The following SMAP1 variants were observed in gnomAD, a reference collection of about 807,000 sequenced individuals.
SMAP1 encodes small ArfGAP 1, also known as stromal membrane-associated protein 1.
Under a neutral mutation model 58.5 loss-of-function variants are expected in SMAP1, and 24 were observed. The observed-to-expected ratio is 0.41, with a 90% confidence interval of 0.30 to 0.58. The LOEUF (loss-of-function observed/expected upper bound fraction) is 0.58, where lower values mean the gene tolerates loss of function less well. Among genes scored for constraint, SMAP1 ranks in the 20% least tolerant of loss-of-function variants. The pLI, the probability that SMAP1 is intolerant of heterozygous loss-of-function variation, is 0.29. For missense variants in SMAP1, 563 were observed against 566.3 expected, an observed-to-expected ratio of 0.99 and a Z score of 0.06; for synonymous variants, 216 against 196.6, an observed-to-expected ratio of 1.10 and a Z score of -0.82.
At chr6:70,855,093 C>CAT (rs1554210651) in intron 8 of SMAP1, among the ~76,000 whole-genome samples, 1 of 151,738 alleles carries the variant, frequency 6.6e-6, no homozygotes, top group Non-Finnish European at 1.5e-5. Context: ...TATACATATA[C>CAT]ATATACATAT....
intron 2 of SMAP1, among the ~76,000 whole-genome samples, chr6:70,739,457 C>T (rs1765733481): frequency 6.6e-6 from 1 of 152,118 alleles, no homozygotes; most frequent in African/African-American, 2.4e-5. Context: ...TATGCATACA[C>T]TAGTACCCAC....
At chr6:70,786,964 G>T (rs1353899057) in intron 4 of SMAP1, among the ~76,000 whole-genome samples, 1 of 152,056 alleles carries the variant, frequency 6.6e-6, no homozygotes, top group Non-Finnish European at 1.5e-5. Context: ...AAGTTCATAT[G>T]GAACCAAAAA....
intron 5 of SMAP1, among the ~76,000 whole-genome samples, chr6:70,792,740 G>T (rs906076048): frequency 2.6e-5 from 4 of 152,056 alleles, no homozygotes; most frequent in Non-Finnish European, 4.4e-5. Context: ...GAGTAGAACG[G>T]CAAGGCTCCT....
intron 6 of SMAP1, among the ~76,000 whole-genome samples, chr6:70,806,818 G>A (rs1453353367): frequency 1.3e-5 from 2 of 152,124 alleles, no homozygotes; most frequent in African/African-American, 4.8e-5. Flanking sequence ...TCTCATTTAA[G>A]TTCCTTATTT....
At chr6:70,788,039 TG>T (rs1051785586) in intron 4 of SMAP1, among the ~76,000 whole-genome samples, 5 of 151,972 alleles carry the variant, frequency 3.3e-5, no homozygotes, top group Non-Finnish European at 5.9e-5. Context: ...AACAAAGACT[TG>T]GAACCAACCC....
intron 6 of SMAP1, among the ~76,000 whole-genome samples, chr6:70,809,468 A>G (rs1769294233): frequency 6.6e-6 from 1 of 152,216 alleles, no homozygotes; most frequent in South Asian, 2.1e-4. Flanking sequence ...AAATTTCAAT[A>G]TAACCATGTA....
chr6:70,753,326 T>C lies in SMAP1; in HGVS notation c.253-1654T>C, dbSNP rs529215646. Among the ~76,000 whole-genome samples the C allele has an allele frequency of 8.1e-4, 123 of 152,320 alleles. 3 individuals carry two copies. The South Asian group carries it at 0.023, about 28-fold the overall frequency. On this transcript the variant is annotated intron_variant, in intron 2 of 10. Coordinates refer to ENST00000370455, the MANE Select transcript of SMAP1 (RefSeq NM_001044305.3). ...AAAATTTCTATATATTCTTGCTTGA[T>C]AGAAACTTTTCAAATTTTCTTACTT...
At chr6:70,696,548 A>G (rs1444516315) in intron 1 of SMAP1, among the ~76,000 whole-genome samples, 1 of 152,188 alleles carries the variant, frequency 6.6e-6, no homozygotes, top group East Asian at 1.9e-4. Context: ...ATATTTGTAT[A>G]GTATCCATAG....
rs1220183289 is a variant in SMAP1, at chr6:70,748,071, C to G, written c.253-6909C>G. ...GAGTTCCTGAGACCAAAAACGGTGG[C>G]CCTTCTTTTCCAGCAGCTGGAATCC... On this transcript the variant is annotated intron_variant, in intron 2 of 10. Coordinates refer to ENST00000370455, the MANE Select transcript of SMAP1 (RefSeq NM_001044305.3). 2.0e-5 allele frequency among the ~76,000 whole-genome samples: 3 copies of G among 152,060 alleles called. No individual in the cohort carries two copies. In the East Asian group the frequency reaches 5.8e-4, roughly 29 times the overall value.
chr6:70,772,063 A>G (rs139385140), intron 3 of SMAP1, among the ~76,000 whole-genome samples: 3 of 152,280 alleles, frequency 2.0e-5, no homozygotes, highest in African/African-American at 2.4e-5. Flanking sequence ...ATACTGGGCC[A>G]TTTAGACATG....
chr6:70,745,554 C>A (rs1297851293), intron 2 of SMAP1, among the ~76,000 whole-genome samples: 1 of 152,146 alleles, frequency 6.6e-6, no homozygotes, highest in African/African-American at 2.4e-5. Context: ...GGTACCAGTA[C>A]CATGCTGTTT....
chr6:70,803,584 G>C (rs1239127341), intron 6 of SMAP1, among the ~76,000 whole-genome samples: 2 of 152,148 alleles, frequency 1.3e-5, no homozygotes, highest in African/African-American at 4.8e-5. Context: ...TAATTGTGAT[G>C]TTAGGGTGTC....
intron 2 of SMAP1, among the ~76,000 whole-genome samples, chr6:70,742,361 A>G (rs1765850805): frequency 2.0e-5 from 3 of 152,252 alleles, no homozygotes; most frequent in Middle Eastern, 3.4e-3. Context: ...ATCTCCTTCA[A>G]GTTCAAAGAT....
chr6:70,753,226 A>G (rs1766349596), intron 2 of SMAP1, among the ~76,000 whole-genome samples: 1 of 152,296 alleles, frequency 6.6e-6, no homozygotes, highest in East Asian at 1.9e-4. Context: ...TATTTCAAAG[A>G]CGTTAAAATA....
chr6:70,773,560 T>C (rs557605888), intron 4 of SMAP1, 135 bp downstream of exon 4: 1 of 539,196 alleles, frequency 1.9e-6, no homozygotes, highest in Non-Finnish European at 3.1e-6. Context: ...GGAACTTTTT[T>C]GGTTATATAA....
At chr6:70,670,730 C>G (rs1305890386) in intron 1 of SMAP1, among the ~76,000 whole-genome samples, 2 of 152,126 alleles carry the variant, frequency 1.3e-5, no homozygotes, top group South Asian at 2.1e-4. Context: ...TTCTTTCTTT[C>G]AAAGAAGCTT....
chr6:70,713,729 A>G (rs1321923233), intron 1 of SMAP1, among the ~76,000 whole-genome samples: 1 of 152,166 alleles, frequency 6.6e-6, no homozygotes, highest in Non-Finnish European at 1.5e-5. Flanking sequence ...TGTTGAGTAG[A>G]ACGTTCTGTA....
intron 10 of SMAP1, chr6:70,859,491 C>T (rs1397061835): frequency 3.1e-6 from 3 of 966,522 alleles, no homozygotes; most frequent in African/African-American, 1.6e-5. Flanking sequence ...GTCTTTGAAA[C>T]TGTAAATAAG....
At chr6:70,690,595 G>A (rs1391464957) in intron 1 of SMAP1, among the ~76,000 whole-genome samples, 2 of 151,472 alleles carry the variant, frequency 1.3e-5, no homozygotes, top group Non-Finnish European at 2.9e-5. Context: ...CCACCCGGCC[G>A]GTTTTTAAGT....
Sources: allele counts gnomAD v4.1 joint callset (sites outside exome capture counted in the v4.1 genomes callset), GRCh38; gene constraint gnomAD v4.1.1; transcripts MANE v1.5; gene names NCBI Gene and HGNC (gene_info 2026-07-23, HGNC 2026-07-21).